Variants in CENPK observed in about 807,000 individuals in gnomAD.
The protein encoded by CENPK is centromere protein K.
A neutral mutation model predicts 40.9 loss-of-function variants in CENPK; 46 were observed. The ratio of observed to expected loss-of-function variants is 1.13; its 90% CI spans 0.89 to 1.44. CENPK has a LOEUF of 1.44. CENPK is among the 40% of genes most tolerant of loss of function. The pLI is 0.00. For synonymous variants in CENPK, 107 were observed against 104.4 expected (o/e 1.02, Z -0.15); for missense variants, 288 against 303.5 (o/e 0.95, Z 0.38).
intron 6 of CENPK, among the ~76,000 whole-genome samples, chr5:65,542,481 AC>A (rs1411838939): frequency 6.6e-6 from 1 of 152,128 alleles, no homozygotes; most frequent in African/African-American, 2.4e-5. Flanking sequence ...TACTAAAAAT[AC>A]AAAAATTAGC....
At chr5:65,533,167 T>C (rs2150397442) in intron 6 of CENPK, among the ~76,000 whole-genome samples, 1 of 151,476 alleles carries the variant, frequency 6.6e-6, no homozygotes, top group East Asian at 2.0e-4. Flanking sequence ...CTGGCCAAAA[T>C]GGTGAAACCC....
chr5:65,563,000 G>C (rs2150580591), intron 1 of CENPK, 98 bp downstream of exon 1: 1 of 204,874 alleles, frequency 4.9e-6, no homozygotes, highest in African/African-American at 2.4e-5. Context: ...CGGCTGGGAA[G>C]TCAGGTATCT....
intron 4 of CENPK, 60 bp downstream of exon 4, chr5:65,552,433 T>C (rs1750241170): frequency 9.1e-7 from 1 of 1,095,748 alleles, no homozygotes; most frequent in Non-Finnish European, 1.3e-6. Context: ...ACATATTTAT[T>C]TTCCAAAATA....
At chr5:65,522,190 C>T (rs1279332855) in intron 9 of CENPK, among the ~76,000 whole-genome samples, 2 of 152,086 alleles carry the variant, frequency 1.3e-5, no homozygotes, top group Non-Finnish European at 2.9e-5. Flanking sequence ...TTCCAGAGTA[C>T]ATTTATGCAG....
chr5:65,552,939 T>G (rs1750351414), intron 3 of CENPK, among the ~76,000 whole-genome samples: 1 of 152,122 alleles, frequency 6.6e-6, no homozygotes, highest in Non-Finnish European at 1.5e-5. Context: ...CAGGAGACAT[T>G]GTTTCTGTGC....
At chr5:65,540,995 A>AT (rs1384114196) in intron 6 of CENPK, among the ~76,000 whole-genome samples, 3 of 151,064 alleles carry the variant, frequency 2.0e-5, no homozygotes, top group Admixed American at 6.6e-5. Flanking sequence ...AAGATTTTTT[A>AT]TTTTTTTTGT....
chr5:65,499,661 T>A, the CENPK span, among the ~76,000 whole-genome samples: 1 of 96,378 alleles, frequency 1.0e-5, no homozygotes, highest in Non-Finnish European at 2.0e-5. Context: ...CTTTTTTTTT[T>A]TTTTAATTTT....
chr5:65,511,766 CTCA>C, the CENPK span, among the ~76,000 whole-genome samples: 1 of 152,170 alleles, frequency 6.6e-6, no homozygotes, highest in Non-Finnish European at 1.5e-5. Context: ...AAGCTAATGC[CTCA>C]TCATCTTAGG....
intron 2 of CENPK, among the ~76,000 whole-genome samples, chr5:65,556,266 A>G (rs1050160933): frequency 1.6e-4 from 25 of 152,228 alleles, no homozygotes; most frequent in African/African-American, 6.0e-4. Context: ...TGAGTTCAGG[A>G]GTTCCAGAAC....
chr5:65,502,990 G>A, the CENPK span, among the ~76,000 whole-genome samples: 2 of 151,638 alleles, frequency 1.3e-5, no homozygotes, highest in Non-Finnish European at 2.9e-5. Flanking sequence ...GTAGAGACAG[G>A]GTTTCACCAC....
At chr5:65,512,286 A>G in the CENPK span, among the ~76,000 whole-genome samples, 5 of 152,384 alleles carry the variant, frequency 3.3e-5, no homozygotes, top group East Asian at 9.6e-4. Context: ...TTGATATGGC[A>G]GTGGCAGGGT....
At chr5:65,495,969 C>T in the CENPK span, among the ~76,000 whole-genome samples, 2 of 152,160 alleles carry the variant, frequency 1.3e-5, no homozygotes, top group Non-Finnish European at 2.9e-5. Context: ...AATCAAGAGC[C>T]TTAGTGGCCA....
intron 6 of CENPK, among the ~76,000 whole-genome samples, chr5:65,532,976 T>TA (rs1250178319): frequency 8.4e-6 from 1 of 119,384 alleles, no homozygotes; most frequent in African/African-American, 3.1e-5. Context: ...ACCATATCAA[T>TA]AGATTTAAAA....
chr5:65,525,674 A>T (rs1744570882), intron 9 of CENPK, among the ~76,000 whole-genome samples: 1 of 152,234 alleles, frequency 6.6e-6, no homozygotes, highest in Non-Finnish European at 1.5e-5. Context: ...TGTTTTTAAA[A>T]ATAAAGTCTT....
At chr5:65,505,264 T>C in the CENPK span, among the ~76,000 whole-genome samples, 2 of 152,190 alleles carry the variant, frequency 1.3e-5, no homozygotes, top group African/African-American at 4.8e-5. Flanking sequence ...ATGAGATATA[T>C]AATTACTGTC....
chr5:65,561,522 A>C lies in CENPK; in HGVS notation c.-99T>G. ...CTGGAAGAGGGTCATCAACAGAACC[A>C]GAAAATGATGGCACCCAGATCTTGA... On this transcript the variant is annotated 5_prime_UTR_variant, in exon 2 of 11. Transcript: ENST00000396679. 2.2e-6 allele frequency: 1 copy of C among 456,140 alleles called. No individual in the cohort carries two copies. 28.3% of individuals were successfully genotyped at this position (456,140 alleles called of 1,614,324 possible). A position where few individuals can be genotyped will look rare whatever the true frequency, so the allele number is the denominator to read the frequency against.
chr5:65,547,616 T>C (rs1264725192), intron 5 of CENPK, among the ~76,000 whole-genome samples: 2 of 151,846 alleles, frequency 1.3e-5, no homozygotes, highest in Non-Finnish European at 2.9e-5. Context: ...ATGGATAAAA[T>C]TGTATAGGAA....
At chr5:65,513,138 A>C (rs912863451), downstream of CENPK, among the ~76,000 whole-genome samples, 3 of 152,188 alleles carry the variant, frequency 2.0e-5, no homozygotes, top group Non-Finnish European at 4.4e-5. Context: ...TCATTTTAAC[A>C]GTGTCCTTCA....
At position 65,518,595 on chromosome 5, in the gene CENPK, T is replaced by C. The variant is rs1362811635; in HGVS notation, c.690A>G (p.Pro230=). Residue 230 remains proline, a synonymous_variant, in exon 11 of 11, where the codon CCA becomes CCG. Transcript: ENST00000396679. ...AAAAGGAATCACTAATTTTGACATA[T>C]GGATCATGTGGAACATCAAATAATC... The part of the protein sequence containing the change: ...INRLFDVPHD[P]YVKISDSFWP... The C allele has an allele frequency of 3.1e-6, 5 of 1,594,320 alleles. No homozygotes were observed. The highest frequency in any genetic ancestry group is 2.7e-5 in the African/African-American group (2 of 74,510).
Sources: allele counts gnomAD v4.1 joint callset (sites outside exome capture counted in the v4.1 genomes callset), GRCh38; gene constraint gnomAD v4.1.1; transcripts MANE v1.5; gene names NCBI Gene and HGNC (gene_info 2026-07-23, HGNC 2026-07-21).